The following B9D2 variants were observed in gnomAD, a reference collection of about 807,000 sequenced individuals.
The protein encoded by B9D2 is B9 domain-containing protein 2.
A neutral mutation model predicts 19.2 loss-of-function variants in B9D2; 21 were observed. The ratio of observed to expected loss-of-function variants is 1.09; its 90% CI spans 0.78 to 1.58. The LOEUF (loss-of-function observed/expected upper bound fraction) is 1.58, where lower values mean the gene tolerates loss of function less well. Ranked by LOEUF, B9D2 falls within the 40% of genes most tolerant of loss-of-function variation. The pLI is 0.00. For synonymous variants in B9D2, 91 were observed against 100.6 expected (o/e 0.90, Z 0.57); for missense variants, 221 against 244.3 (o/e 0.90, Z 0.64).
In B9D2 at chr19:41,357,944, T is replaced by A. The variant is rs765029105; in HGVS notation, c.167A>T (p.Tyr56Phe). The change falls in exon 3 of 4, where the codon TAC (tyrosine) becomes TTC (phenylalanine). Residue 56 changes from tyrosine (Y) to phenylalanine (F), a missense_variant. Physicochemically the swap from Tyr to Phe is conservative, Grantham distance 22. Transcript: ENST00000243578. The part of the protein sequence containing the change: ...VDTPQIGDMA[Y>F]WSHPIDLHFA... Reference sequence around the variant, plus strand: ...GTGCAGGTCGATGGGGTGGGACCAGTAAGCCATGTCCCCTATCTGCGGGGT... The same window carrying A: ...GTGCAGGTCGATGGGGTGGGACCAGAAAGCCATGTCCCCTATCTGCGGGGT... The A allele has an allele frequency of 6.2e-7, 1 of 1,614,072 alleles. No homozygotes were observed. The highest frequency in any genetic ancestry group is 2.2e-5 in the East Asian group (1 of 44,872).
intron 3 of B9D2, among the ~76,000 whole-genome samples, chr19:41,357,140 G>C (rs559981295): frequency 1.8e-4 from 28 of 152,240 alleles, no homozygotes; most frequent in Admixed American, 7.9e-4. Context: ...CCTCCTCCAG[G>C]AAGCCCTCTC....
chr19:41,354,876 T>A lies in B9D2; in HGVS notation c.352A>T (p.Ser118Cys). Reference protein sequence around the residue: ...LACPTWRPLGSWREQLARAFV... With the variant: ...LACPTWRPLGCWREQLARAFV... ...GCCCGTGCCAACTGTTCTCGCCAAC[T>A]GCCCAGGGGCCGCCACGTGGGGCAG... is the stretch of plus-strand genomic sequence containing the variant. Residue 118 changes from serine to cysteine, a missense_variant, in exon 4 of 4, where the codon AGT (serine) becomes TGT (cysteine). Ser to Cys is a moderately radical substitution (Grantham distance 112, BLOSUM62 -1). Transcript: ENST00000243578. The A allele has an allele frequency of 6.2e-7, 1 of 1,613,822 alleles. No homozygotes were observed. Among genetic ancestry groups the A allele is most frequent in the Non-Finnish European group, 8.5e-7 (1 of 1,179,944 alleles).
chr19:41,363,284 C>T, intron 2 of B9D2, 148 bp downstream of exon 2: 1 of 787,578 alleles, frequency 1.3e-6, no homozygotes. Context: ...GAGCTTGAGA[C>T]TCATGTGGAC....
intron 2 of B9D2, 126 bp downstream of exon 2, chr19:41,363,306 T>C (rs1431439735): frequency 1.1e-6 from 1 of 925,380 alleles, no homozygotes; most frequent in Admixed American, 2.0e-5. Flanking sequence ...GGGTGTGGGC[T>C]GGGCCTGGAG....
intron 2 of B9D2, 30 bp downstream of exon 2, chr19:41,363,402 T>C: frequency 6.2e-7 from 1 of 1,607,884 alleles, no homozygotes. Flanking sequence ...GGGGTCTTGG[T>C]GTGGAAATGA....
At chr19:41,361,702 C>T (rs1269017201) in intron 2 of B9D2, among the ~76,000 whole-genome samples, 1 of 83,968 alleles carries the variant, frequency 1.2e-5, no homozygotes, top group Non-Finnish European at 2.5e-5. Context: ...ATAGGAGAAT[C>T]GCTTGAACCC....
chr19:41,357,954 C>A lies in B9D2; in HGVS notation c.157G>T (p.Asp53Tyr), dbSNP rs746928334. Reference sequence around the variant, plus strand: ...ATGGGGTGGGACCAGTAAGCCATGTCCCCTATCTGCGGGGTGTCCACTTGC... The same window carrying A: ...ATGGGGTGGGACCAGTAAGCCATGTACCCTATCTGCGGGGTGTCCACTTGC... ...QTQVDTPQIG[D>Y]MAYWSHPIDL... Residue 53 changes from aspartate (D) to tyrosine (Y), a missense_variant, in exon 3 of 4, where the codon GAC becomes TAC. Coordinates refer to ENST00000243578, the MANE Select transcript of B9D2 (RefSeq NM_030578.4). 1.2e-6 allele frequency: 2 copies of A among 1,614,116 alleles called. No individual in the cohort carries two copies. The highest frequency in any genetic ancestry group is 2.7e-5 in the African/African-American group (2 of 75,040).
At chr19:41,355,036 G>T in intron 3 of B9D2, 23 bp from the exon 4 acceptor site, 1 of 1,552,810 alleles carries the variant, frequency 6.4e-7, no homozygotes, top group South Asian at 1.2e-5. Flanking sequence ...AGAGAGAGGG[G>T]AAAGGAGGGA....
intron 1 of B9D2, among the ~76,000 whole-genome samples, chr19:41,363,730 A>C (rs574542167): frequency 6.6e-6 from 1 of 152,302 alleles, no homozygotes; most frequent in African/African-American, 2.4e-5. Context: ...TTGTCTGGGG[A>C]ACCAGCATTT....
chr19:41,355,105 G>A, intron 3 of B9D2, 92 bp from the exon 4 acceptor site: 1 of 1,281,016 alleles, frequency 7.8e-7, no homozygotes, highest in East Asian at 2.5e-5. Context: ...GGAGACCCCA[G>A]GCCCAGTCTT....
In B9D2 at chr19:41,354,633, T is replaced by C. The variant is rs2038274893; in HGVS notation, c.*67A>G. ...CTCTAGAGTCTGTGCTCTTGACCAC[T>C]GTGCCATCCTCCCCCATCACTGGGT... On this transcript the variant is annotated 3_prime_UTR_variant, in exon 4 of 4. Transcript: ENST00000243578. The C allele has an allele frequency of 6.3e-7, 1 of 1,590,672 alleles. No homozygotes were observed.
chr19:41,357,855 C>T (rs904549746), intron 3 of B9D2, 42 bp downstream of exon 3: 3 of 1,612,340 alleles, frequency 1.9e-6, no homozygotes, highest in African/African-American at 2.7e-5. Flanking sequence ...GCTACTGGCC[C>T]CCTCCCCTCA....
chr19:41,354,608 C>T lies in B9D2; in HGVS notation c.*92G>A. 1 of 1,526,604 alleles carries T rather than the reference C, an allele frequency of 6.6e-7. No individual in the cohort carries two copies. The highest frequency in any genetic ancestry group is 9.0e-7 in the Non-Finnish European group (1 of 1,109,290). 94.6% of individuals were successfully genotyped at this position (1,526,604 alleles called of 1,614,324 possible). A position where few individuals can be genotyped will look rare whatever the true frequency, so the allele number is the denominator to read the frequency against. ...CTTAGCTGGGGTCAGCTCTGACAGTCTCTAGAGTCTGTGCTCTTGACCACT... is the reference window on the plus strand; with the variant it reads ...CTTAGCTGGGGTCAGCTCTGACAGTTTCTAGAGTCTGTGCTCTTGACCACT... On this transcript the variant is annotated 3_prime_UTR_variant, in exon 4 of 4. Coordinates refer to ENST00000243578, the MANE Select transcript of B9D2 (RefSeq NM_030578.4).
chr19:41,356,036 A>G (rs1216188597), intron 3 of B9D2, among the ~76,000 whole-genome samples: 1 of 152,166 alleles, frequency 6.6e-6, no homozygotes, highest in African/African-American at 2.4e-5. Context: ...TGGTGGGGAC[A>G]GCATGGCTAG....
chr19:41,358,270 T>C (rs2038348670), intron 2 of B9D2, among the ~76,000 whole-genome samples: 2 of 152,164 alleles, frequency 1.3e-5, no homozygotes, highest in Non-Finnish European at 2.9e-5. Flanking sequence ...CATTCCTCAT[T>C]GTCTTCATTT....
intron 2 of B9D2, among the ~76,000 whole-genome samples, chr19:41,360,148 C>T (rs1418046218): frequency 6.6e-6 from 1 of 151,780 alleles, no homozygotes; most frequent in African/African-American, 2.4e-5. Context: ...GCACTTACCA[C>T]TGTCTGGAAT....
intron 3 of B9D2, 107 bp from the exon 4 acceptor site, chr19:41,355,120 T>A: frequency 8.4e-7 from 1 of 1,185,714 alleles, no homozygotes; most frequent in Non-Finnish European, 1.2e-6. Context: ...AGTCTTTTCC[T>A]CTCTGGGTTT....
intron 3 of B9D2, among the ~76,000 whole-genome samples, chr19:41,357,422 C>T (rs1207104161): frequency 6.6e-6 from 1 of 152,136 alleles, no homozygotes; most frequent in East Asian, 1.9e-4. Flanking sequence ...TAGGCAATTT[C>T]TCAGAATCAA....
chr19:41,355,009 C>G lies in B9D2; in HGVS notation c.219G>C (p.Trp73Cys), dbSNP rs1413211868. The G allele has an allele frequency of 6.3e-7, 1 of 1,591,946 alleles. No individual in the cohort carries two copies. Among genetic ancestry groups the G allele is most frequent in the Non-Finnish European group, 8.6e-7 (1 of 1,167,348 alleles). Residue 73 changes from tryptophan (W) to cysteine (C), a missense_variant, in exon 4 of 4, where the codon TGG (tryptophan) becomes TGC (cysteine). Trp to Cys is a radical substitution (Grantham distance 215, BLOSUM62 -2). Coordinates refer to ENST00000243578, the MANE Select transcript of B9D2 (RefSeq NM_030578.4). ...LHFATKGLQG[W>C]PRLHFQVWSQ... The stretch of plus-strand genomic sequence containing the variant: ...ACCACACCTGGAAATGGAGCCGGGG[C>G]CAGCCTGCAGGAAAGGAGAGAGAGG...
Sources: gnomAD v4.1 joint callset for allele counts (sites outside exome capture counted in the v4.1 genomes callset) on GRCh38, gnomAD v4.1.1 for gene constraint, MANE v1.5 for transcripts, NCBI Gene and HGNC (gene_info 2026-07-23, HGNC 2026-07-21) for gene names.